The following CLXN variants were observed in gnomAD, a reference collection of about 807,000 sequenced individuals.
CLXN encodes EF-hand calcium binding domain 1.
chr8:48,728,809 A>C, the CLXN span, among the ~76,000 whole-genome samples: 5 of 152,232 alleles, frequency 3.3e-5, no homozygotes, highest in Admixed American at 6.5e-5. Context: ...TCTGGCACAC[A>C]TTAAACCTCA....
At chr8:48,719,756 A>G in the CLXN span, among the ~76,000 whole-genome samples, 2 of 152,200 alleles carry the variant, frequency 1.3e-5, no homozygotes, top group African/African-American at 2.4e-5. Context: ...TAAGTACACT[A>G]GGAACTTACC....
the CLXN span, among the ~76,000 whole-genome samples, chr8:48,719,517 A>G: frequency 3.3e-5 from 5 of 152,360 alleles, no homozygotes; most frequent in South Asian, 2.1e-4. Flanking sequence ...AAAAATTTTC[A>G]ATAGAATACT....
the CLXN span, among the ~76,000 whole-genome samples, chr8:48,732,014 G>C: frequency 1.3e-5 from 2 of 152,054 alleles, no homozygotes; most frequent in African/African-American, 4.8e-5. Flanking sequence ...AAGCTTTAAA[G>C]CATATTTTAG....
the CLXN span, among the ~76,000 whole-genome samples, chr8:48,720,170 CAT>C: frequency 3.9e-3 from 587 of 152,278 alleles, 2 homozygotes; most frequent in African/African-American, 0.012. Flanking sequence ...AATTGTAAAA[CAT>C]GTGTGTTTGA....
At chr8:48,722,845 T>C in the CLXN span, among the ~76,000 whole-genome samples, 1 of 152,004 alleles carries the variant, frequency 6.6e-6, no homozygotes, top group Non-Finnish European at 1.5e-5. Flanking sequence ...TCCAACAACA[T>C]GGATGAACCT....
the CLXN span, chr8:48,729,212 T>G: frequency 3.7e-6 from 5 of 1,357,194 alleles, no homozygotes; most frequent in Non-Finnish European, 5.2e-6. Context: ...GCTCTTTTCA[T>G]AGTCAAGTGT....
At chr8:48,716,349 T>G in the CLXN span, 1 of 150,420 alleles carries the variant, frequency 6.6e-6, no homozygotes, top group Non-Finnish European at 1.5e-5. Context: ...GCAGCCCCGG[T>G]TCCAGCCTGC....
the CLXN span, among the ~76,000 whole-genome samples, chr8:48,717,474 C>G: frequency 6.6e-6 from 1 of 152,012 alleles, no homozygotes; most frequent in African/African-American, 2.4e-5. Flanking sequence ...AAAGTCTTTC[C>G]CAAATAAACA....
chr8:48,726,870 A>AATCTATC, the CLXN span, among the ~76,000 whole-genome samples: 1 of 136,202 alleles, frequency 7.3e-6, no homozygotes, highest in Non-Finnish European at 1.5e-5. Flanking sequence ...TGCATCTATC[A>AATCTATC]ATCTATCTAT....
chr8:48,715,309 T>C, the CLXN span: 2 of 152,146 alleles, frequency 1.3e-5, no homozygotes, highest in African/African-American at 2.4e-5. Flanking sequence ...CCAGCTCTTG[T>C]CTCCCCAACA....
chr8:48,722,961 G>C, the CLXN span, among the ~76,000 whole-genome samples: 1 of 152,184 alleles, frequency 6.6e-6, no homozygotes, highest in African/African-American at 2.4e-5. Flanking sequence ...TAGCAGGATA[G>C]AGTAGAATGG....
the CLXN span, chr8:48,712,279 G>C: frequency 6.6e-6 from 1 of 152,578 alleles, no homozygotes; most frequent in African/African-American, 2.4e-5. Flanking sequence ...GGCTGCTTAG[G>C]TCCCCTTCAT....
chr8:48,718,314 G>A, the CLXN span, among the ~76,000 whole-genome samples: 1 of 152,046 alleles, frequency 6.6e-6, no homozygotes, highest in African/African-American at 2.4e-5. Context: ...AGCACCTAAA[G>A]TATATAAAGC....
At chr8:48,730,292 T>C in the CLXN span, among the ~76,000 whole-genome samples, 8 of 152,240 alleles carry the variant, frequency 5.3e-5, no homozygotes, top group Non-Finnish European at 8.8e-5. Flanking sequence ...TTAGCATATG[T>C]AGTAATGCCT....
At chr8:48,726,442 C>T in the CLXN span, among the ~76,000 whole-genome samples, 43 of 150,254 alleles carry the variant, frequency 2.9e-4, no homozygotes, top group Non-Finnish European at 5.8e-4. Context: ...ATCCATCTAC[C>T]CACCCACCTA....
chr8:48,711,586 G>A, the CLXN span: 1 of 152,252 alleles, frequency 6.6e-6, no homozygotes, highest in African/African-American at 2.4e-5. Context: ...ATGTTCAGAT[G>A]AGAAGAGTGG....
At chr8:48,711,724 A>C in the CLXN span, 1 of 152,222 alleles carries the variant, frequency 6.6e-6, no homozygotes, top group African/African-American at 2.4e-5. Flanking sequence ...TAAGTGGAGG[A>C]TATGTGGCGA....
the CLXN span, chr8:48,723,843 C>G: frequency 6.6e-6 from 1 of 152,548 alleles, no homozygotes; most frequent in Non-Finnish European, 1.5e-5. Flanking sequence ...GGGGGCAATA[C>G]GTGGAGTCAG....
At chr8:48,734,081 C>T in the CLXN span, among the ~76,000 whole-genome samples, 2 of 152,098 alleles carry the variant, frequency 1.3e-5, no homozygotes, top group African/African-American at 4.8e-5. Context: ...TCATTTATAT[C>T]ACCATCCACT....
Sources: gnomAD v4.1 joint callset for allele counts (sites outside exome capture counted in the v4.1 genomes callset) on GRCh38, gnomAD v4.1.1 for gene constraint, MANE v1.5 for transcripts, NCBI Gene and HGNC (gene_info 2026-07-23, HGNC 2026-07-21) for gene names.